TMEM163: variants seen among roughly 807,000 people sequenced by gnomAD.
TMEM163 encodes the protein transmembrane protein 163.
In TMEM163, 17 loss-of-function variants were observed where a neutral mutation model predicts 29.3. The ratio of observed to expected loss-of-function variants is 0.58; its 90% CI spans 0.40 to 0.87. The LOEUF is 0.87. Among genes scored for constraint, TMEM163 ranks in the 40% least tolerant of loss-of-function variants. The pLI, the probability that TMEM163 is intolerant of heterozygous loss-of-function variation, is 0.00. For synonymous variants in TMEM163, 157 were observed against 160.6 expected (o/e 0.98, Z 0.17); for missense variants, 303 against 381.5 (o/e 0.79, Z 1.71).
intron 4 of TMEM163, among the ~76,000 whole-genome samples, chr2:134,532,450 C>T (rs1018527890): frequency 3.9e-5 from 6 of 152,182 alleles, no homozygotes; most frequent in Admixed American, 6.5e-5. Flanking sequence ...CTCCCAAGAC[C>T]TTTCATCAGC....
At chr2:134,523,394 C>T (rs141701009) in intron 4 of TMEM163, among the ~76,000 whole-genome samples, 18 of 152,200 alleles carry the variant, frequency 1.2e-4, no homozygotes, top group Middle Eastern at 3.4e-3. Flanking sequence ...AGCTGAGGTG[C>T]GGTACTCAGT....
chr2:134,678,589 G>A (rs1424254999), intron 2 of TMEM163, among the ~76,000 whole-genome samples: 2 of 152,174 alleles, frequency 1.3e-5, no homozygotes, highest in Non-Finnish European at 2.9e-5. Context: ...GAGGCTGAAG[G>A]TCAGAGCAGA....
At chr2:134,636,879 C>T (rs1028773847) in intron 2 of TMEM163, among the ~76,000 whole-genome samples, 19 of 152,210 alleles carry the variant, frequency 1.2e-4, no homozygotes, top group African/African-American at 4.3e-4. Flanking sequence ...GTGGTCCCCA[C>T]ACAGGAACTG....
intron 4 of TMEM163, among the ~76,000 whole-genome samples, chr2:134,549,065 T>C (rs1680850666): frequency 6.6e-6 from 1 of 151,242 alleles, no homozygotes; most frequent in African/African-American, 2.4e-5. Flanking sequence ...TCATAAATGA[T>C]ATCATCTGTA....
intron 2 of TMEM163, among the ~76,000 whole-genome samples, chr2:134,626,261 C>T (rs557631976): frequency 5.1e-4 from 78 of 152,052 alleles, no homozygotes; most frequent in African/African-American, 1.8e-3. Context: ...TGTGCTACCA[C>T]GCCCAGCTAA....
At chr2:134,538,168 C>T (rs1405936445) in intron 4 of TMEM163, among the ~76,000 whole-genome samples, 1 of 152,152 alleles carries the variant, frequency 6.6e-6, no homozygotes, top group African/African-American at 2.4e-5. Context: ...GGAGCTGGGA[C>T]CTTTGGGAGG....
At chr2:134,566,121 A>T (rs576944339) in intron 2 of TMEM163, among the ~76,000 whole-genome samples, 8 of 152,318 alleles carry the variant, frequency 5.3e-5, no homozygotes, top group Admixed American at 6.5e-5. Context: ...CAAATCACTA[A>T]ATTTTTTAAA....
At chr2:134,647,916 G>A (rs1683371279) in intron 2 of TMEM163, among the ~76,000 whole-genome samples, 1 of 152,202 alleles carries the variant, frequency 6.6e-6, no homozygotes, top group South Asian at 2.1e-4. Flanking sequence ...CTAGGAGGGT[G>A]CCCACGACCC....
At chr2:134,694,639 A>G (rs1379458969) in intron 2 of TMEM163, among the ~76,000 whole-genome samples, 3 of 152,222 alleles carry the variant, frequency 2.0e-5, no homozygotes, top group Non-Finnish European at 4.4e-5. Context: ...TGGTACATCA[A>G]TTACTCTGTA....
At position 134,456,450 on chromosome 2, in the gene TMEM163, A is replaced by G; in HGVS notation, c.*266T>C. On this transcript the variant is annotated 3_prime_UTR_variant, in exon 8 of 8. Coordinates refer to ENST00000281924, the MANE Select transcript of TMEM163 (RefSeq NM_030923.5). ...TCTCATCCTACCCATGAGAACCATC[A>G]TACTCCAGAGACTAAAAAACGCCAG... is the stretch of plus-strand genomic sequence containing the variant. 1 of 490,506 alleles carries G rather than the reference A, an allele frequency of 2.0e-6. No homozygotes were observed. Among genetic ancestry groups the G allele is most frequent in the Non-Finnish European group, 3.6e-6 (1 of 274,170 alleles). The allele number at this position is 490,506 out of a possible 1,614,324, so 30.4% of individuals were successfully genotyped here.
chr2:134,614,261 AT>A (rs1175194538), intron 2 of TMEM163, among the ~76,000 whole-genome samples: 2 of 152,170 alleles, frequency 1.3e-5, no homozygotes, highest in African/African-American at 4.8e-5. Flanking sequence ...GAGATATCAG[AT>A]ATCAAAGGGC....
At chr2:134,546,773 A>G (rs1216728404) in intron 4 of TMEM163, among the ~76,000 whole-genome samples, 2 of 152,108 alleles carry the variant, frequency 1.3e-5, no homozygotes, top group Non-Finnish European at 2.9e-5. Flanking sequence ...AGATCATGCC[A>G]CCGCACTCCA....
intron 5 of TMEM163, among the ~76,000 whole-genome samples, chr2:134,477,620 G>A (rs1686947579): frequency 6.6e-6 from 1 of 152,188 alleles, no homozygotes; most frequent in Non-Finnish European, 1.5e-5. Context: ...AGTAAGCATA[G>A]CTTTTGCTTT....
At chr2:134,567,845 G>A (rs951434431) in intron 2 of TMEM163, among the ~76,000 whole-genome samples, 1 of 152,168 alleles carries the variant, frequency 6.6e-6, no homozygotes, top group Non-Finnish European at 1.5e-5. Context: ...CCAAGTCTTT[G>A]CAATGATGTA....
chr2:134,583,048 T>TA (rs150395788), intron 2 of TMEM163, among the ~76,000 whole-genome samples: 2,677 of 152,258 alleles, frequency 0.018, 64 homozygotes, highest in East Asian at 0.084. Context: ...ATTTGGATTT[T>TA]AAAAAAATAT....
At chr2:134,604,321 A>G (rs1422412153) in intron 2 of TMEM163, among the ~76,000 whole-genome samples, 2 of 152,220 alleles carry the variant, frequency 1.3e-5, no homozygotes, top group African/African-American at 2.4e-5. Context: ...AGAATGGAAT[A>G]GAGCAGGGAA....
At chr2:134,505,514 C>A (rs1285674543) in intron 4 of TMEM163, among the ~76,000 whole-genome samples, 1 of 152,040 alleles carries the variant, frequency 6.6e-6, no homozygotes, top group African/African-American at 2.4e-5. Flanking sequence ...TCTCGTGGGA[C>A]CTAATAGGCC....
rs1372324435 is a variant in TMEM163, at chr2:134,460,428, G to GC, written c.668-2256dup. On this transcript the variant is annotated intron_variant, in intron 6 of 7. Transcript: ENST00000281924. This position sits in a 1 kb window ranked among gnomAD's most constrained non-coding sequence, Gnocchi z 4.3. The stretch of plus-strand genomic sequence containing the variant: ...ACAGGCGAGCTTTGCCATTTTAACC[G>GC]CCCCCCTCCTCTCACTGGAAACCTA... Among the ~76,000 whole-genome samples the GC allele has an allele frequency of 2.6e-5, 4 of 151,760 alleles. No homozygotes were observed. Among genetic ancestry groups the GC allele is most frequent in the South Asian group, 2.1e-4 (1 of 4,770 alleles).
intron 2 of TMEM163, among the ~76,000 whole-genome samples, chr2:134,581,173 C>T (rs1369832468): frequency 3.9e-5 from 6 of 152,176 alleles, no homozygotes; most frequent in Non-Finnish European, 8.8e-5. Context: ...CCAATATATA[C>T]ATTTGCTTCC....
Sources: allele counts gnomAD v4.1 joint callset (sites outside exome capture counted in the v4.1 genomes callset), GRCh38; gene constraint gnomAD v4.1.1; non-coding constraint Gnocchi (gnomAD v3.1); transcripts MANE v1.5; gene names NCBI Gene and HGNC (gene_info 2026-07-23, HGNC 2026-07-21).